The following PKHD1 variants were observed in gnomAD, a reference collection of about 807,000 sequenced individuals.
PKHD1 encodes the protein fibrocystin.
A neutral mutation model predicts 412.0 loss-of-function variants in PKHD1; 291 were observed. That is an observed-to-expected ratio of 0.71 (90% CI 0.64 to 0.78). PKHD1 has a LOEUF of 0.78. PKHD1 is among the 30% of genes least tolerant of loss of function. The probability of loss-of-function intolerance (pLI) is 0.00; values close to 1 mark genes in which losing one functional copy is unlikely to be tolerated. For missense variants in PKHD1, 4,825 were observed against 4,950.7 expected, an observed-to-expected ratio of 0.97 and a Z score of 0.76; for synonymous variants, 1,777 against 1,821.5, an observed-to-expected ratio of 0.98 and a Z score of 0.62.
At chr6:51,725,537 G>A (rs573704113) in intron 60 of PKHD1, among the ~76,000 whole-genome samples, 82 of 152,296 alleles carry the variant, frequency 5.4e-4, no homozygotes, top group Non-Finnish European at 1.0e-3. Context: ...ACAGAAGTAT[G>A]GGAGCAAGAA....
At chr6:51,672,321 G>T (rs1388749907) in intron 60 of PKHD1, among the ~76,000 whole-genome samples, 1 of 152,172 alleles carries the variant, frequency 6.6e-6, no homozygotes, top group Admixed American at 6.5e-5. Context: ...AAATGCTGTA[G>T]CTAGTCCACT....
intron 6 of PKHD1, among the ~76,000 whole-genome samples, chr6:52,075,792 C>A (rs184877000): frequency 6.6e-6 from 1 of 152,132 alleles, no homozygotes; most frequent in Non-Finnish European, 1.5e-5. Flanking sequence ...TATTTAGTAT[C>A]TATATGACTT....
intron 60 of PKHD1, among the ~76,000 whole-genome samples, chr6:51,707,393 G>A (rs890903876): frequency 6.6e-6 from 1 of 152,086 alleles, no homozygotes; most frequent in African/African-American, 2.4e-5. Flanking sequence ...CAGAGTACAG[G>A]CTGGCCTCAT....
intron 35 of PKHD1, among the ~76,000 whole-genome samples, chr6:52,004,629 A>C (rs867466661): frequency 6.6e-6 from 1 of 152,270 alleles, no homozygotes. Flanking sequence ...CAGACAATTA[A>C]TTTACTGAAA....
intron 36 of PKHD1, among the ~76,000 whole-genome samples, chr6:51,949,767 G>A (rs920845860): frequency 6.6e-6 from 1 of 152,074 alleles, no homozygotes; most frequent in African/African-American, 2.4e-5. Context: ...CATAAATCAG[G>A]CTTTAAGGAT....
At chr6:51,771,022 C>T (rs909737976) in intron 55 of PKHD1, among the ~76,000 whole-genome samples, 4 of 152,044 alleles carry the variant, frequency 2.6e-5, no homozygotes, top group African/African-American at 4.8e-5. Flanking sequence ...TGCCTTAAGA[C>T]GGCAAACCAG....
intron 35 of PKHD1, among the ~76,000 whole-genome samples, chr6:52,000,776 G>A (rs1429137441): frequency 6.6e-6 from 1 of 152,078 alleles, no homozygotes; most frequent in African/African-American, 2.4e-5. Context: ...AAGGACTTTT[G>A]GGAGCCAAAA....
intron 66 of PKHD1, chr6:51,622,679 ATGTC>A (rs1766776656): frequency 6.6e-6 from 1 of 152,198 alleles, no homozygotes; most frequent in Non-Finnish European, 1.5e-5. Context: ...AAAAAGGAAA[ATGTC>A]TGTAGTTGCA....
At position 52,033,059 on chromosome 6, in the gene PKHD1, G is replaced by GAAA. The variant is rs1562188854; in HGVS notation, c.3334_3335insTTT (p.Thr1112delinsIleSer). On this transcript the variant is annotated protein_altering_variant, in exon 29 of 67. Transcript: ENST00000371117. Reference sequence around the variant, plus strand: ...TATATTGCTTATGTTTCTGCTCAGAGTCACAATAACTGGATTTAAGGAAGA... The same window carrying GAAA: ...TATATTGCTTATGTTTCTGCTCAGAGAAATCACAATAACTGGATTTAAGGAAGA... 1 of 1,612,316 alleles carries GAAA rather than the reference G, an allele frequency of 6.2e-7. No homozygotes were observed. Among genetic ancestry groups the GAAA allele is most frequent in the Non-Finnish European group, 8.5e-7 (1 of 1,178,488 alleles).
At chr6:51,962,424 T>A (rs532342989) in intron 35 of PKHD1, among the ~76,000 whole-genome samples, 1 of 152,254 alleles carries the variant, frequency 6.6e-6, no homozygotes, top group African/African-American at 2.4e-5. Context: ...TAGCTCTCAA[T>A]AAGCTTTAGA....
rs569468314 is a variant in PKHD1 at position 52,071,033 on chromosome 6, G to T, written c.640C>A (p.Gln214Lys). 1.3e-5 allele frequency: 21 copies of T among 1,606,490 alleles called. 1 individual carries two copies. The Admixed American group carries it at 3.2e-4, about 24-fold the overall frequency. Residue 214 changes from glutamine (Q) to lysine (K), a missense_variant, in exon 9 of 67, where the codon CAG (glutamine) becomes AAG (lysine). Physicochemically the swap from Gln to Lys is moderately conservative, Grantham distance 53 (BLOSUM62 1). Transcript: ENST00000371117. Reference sequence around the variant, plus strand: ...ATGTAGTCGCCTTCCACATGGCACTGCAGAGTCCCAAGACCATGGTCCTCC... The same window carrying T: ...ATGTAGTCGCCTTCCACATGGCACTTCAGAGTCCCAAGACCATGGTCCTCC... Reference protein sequence around the residue: ...IQEDHGLGTLQCHVEGDYIGS... With the variant: ...IQEDHGLGTLKCHVEGDYIGS...
intron 48 of PKHD1, among the ~76,000 whole-genome samples, chr6:51,866,501 G>A (rs1333805835): frequency 1.3e-5 from 2 of 152,086 alleles, no homozygotes; most frequent in African/African-American, 2.4e-5. Flanking sequence ...ATCTCAAAGA[G>A]CAAATGCTCA....
At chr6:51,968,564 C>G (rs540853988) in intron 35 of PKHD1, among the ~76,000 whole-genome samples, 22 of 152,146 alleles carry the variant, frequency 1.4e-4, no homozygotes, top group Non-Finnish European at 2.9e-4. Context: ...CAGACATGTC[C>G]CAGCTTTAAT....
At chr6:51,709,949 C>A (rs1481232884) in intron 60 of PKHD1, among the ~76,000 whole-genome samples, 5 of 151,326 alleles carry the variant, frequency 3.3e-5, no homozygotes, top group Admixed American at 2.0e-4. Context: ...TGGCTCATGC[C>A]TGTAATCCCA....
chr6:51,616,315 C>A lies in PKHD1; in HGVS notation c.*2766G>T, dbSNP rs1376595314. The A allele has an allele frequency of 1.6e-5, 3 of 186,712 alleles. No individual in the cohort carries two copies. Among genetic ancestry groups the A allele is most frequent in the East Asian group, 1.2e-4 (1 of 8,196 alleles). 11.6% of individuals were successfully genotyped at this position (186,712 alleles called of 1,614,324 possible). On this transcript the variant is annotated 3_prime_UTR_variant, in exon 67 of 67. Transcript: ENST00000371117. ...CAGCAATGGGAGGCAAGAAGAGATT[C>A]TTTGAACTAACACAGGAAAAAAGCA...
At chr6:51,942,379 A>T (rs759042543) in intron 36 of PKHD1, among the ~76,000 whole-genome samples, 13 of 151,712 alleles carry the variant, frequency 8.6e-5, no homozygotes, top group Non-Finnish European at 1.9e-4. Flanking sequence ...TGCCGCCCTA[A>T]TACTTTTAGA....
rs970798730 is a variant in PKHD1 at position 51,870,551 on chromosome 6, A to G, written c.7439T>C (p.Ile2480Thr). The G allele has an allele frequency of 6.2e-7, 1 of 1,611,974 alleles. No homozygotes were observed. The change falls in exon 47 of 67, where the codon ATC becomes ACC. Residue 2480 changes from isoleucine to threonine, a missense_variant. Physicochemically the swap from Ile to Thr is moderately conservative, Grantham distance 89. Coordinates refer to ENST00000371117, the MANE Select transcript of PKHD1 (RefSeq NM_138694.4). ...ACAGGTTCTAATGGCCACACAGTTGATGAGATCAAAATTAACAAAGGTTGT... is the reference window on the plus strand; with the variant it reads ...ACAGGTTCTAATGGCCACACAGTTGGTGAGATCAAAATTAACAAAGGTTGT... ...SNTTFVNFDL[I>T]NCVAIRTCSD...
At chr6:51,642,852 G>A (rs1036260331) in intron 63 of PKHD1, among the ~76,000 whole-genome samples, 1 of 151,840 alleles carries the variant, frequency 6.6e-6, no homozygotes, top group Non-Finnish European at 1.5e-5. Context: ...AAAAAAGTAA[G>A]GTATGGACTA....
At position 51,615,606 on chromosome 6, in the gene PKHD1, A is replaced by AT. The variant is rs1765997703; in HGVS notation, c.*3474dup. 6.6e-6 allele frequency: 1 copy of AT among 152,202 alleles called. No homozygotes were observed. Among genetic ancestry groups the AT allele is most frequent in the Non-Finnish European group, 1.5e-5 (1 of 68,030 alleles). The allele number at this position is 152,202 out of a possible 1,614,324, so 9.4% of individuals were successfully genotyped here. A position where few individuals can be genotyped will look rare whatever the true frequency, so the allele number is the denominator to read the frequency against. ...TTCTTTACTGTTATTGACACGTACA[A>AT]TTTTATAGAAGCTTGGTTGAATAAT... On this transcript the variant is annotated 3_prime_UTR_variant, in exon 67 of 67. Transcript: ENST00000371117.
Sources: allele counts gnomAD v4.1 joint callset (sites outside exome capture counted in the v4.1 genomes callset), GRCh38; gene constraint gnomAD v4.1.1; transcripts MANE v1.5; gene names NCBI Gene and HGNC (gene_info 2026-07-23, HGNC 2026-07-21).